The following PCSK5 variants were observed in gnomAD, a reference collection of about 807,000 sequenced individuals.
The protein encoded by PCSK5 is prohormone convertase 5.
A neutral mutation model predicts 233.2 loss-of-function variants in PCSK5; 129 were observed. That is an observed-to-expected ratio of 0.55 (90% CI 0.48 to 0.64). The LOEUF (loss-of-function observed/expected upper bound fraction) is 0.64, where lower values mean the gene tolerates loss of function less well. Among genes scored for constraint, PCSK5 ranks in the 30% least tolerant of loss-of-function variants. The pLI is 0.00. For synonymous variants in PCSK5, 825 were observed against 879.2 expected, an observed-to-expected ratio of 0.94 and a Z score of 1.09; for missense variants, 2,076 against 2,430.1, an observed-to-expected ratio of 0.85 and a Z score of 3.06.
chr9:76,173,429 C>T (rs151132896), intron 13 of PCSK5, among the ~76,000 whole-genome samples: 1 of 141,120 alleles, frequency 7.1e-6, no homozygotes, highest in Non-Finnish European at 1.5e-5. Context: ...GTCTTAATCA[C>T]TTCTGCTTAC....
intron 30 of PCSK5, among the ~76,000 whole-genome samples, chr9:76,314,762 G>T (rs1471789093): frequency 6.7e-6 from 1 of 148,402 alleles, no homozygotes; most frequent in Non-Finnish European, 1.5e-5. Flanking sequence ...TCAGCCTCCC[G>T]AGTAGCTGGG....
intron 20 of PCSK5, among the ~76,000 whole-genome samples, chr9:76,191,246 G>C (rs10869728): frequency 0.15 from 22,945 of 152,178 alleles, 2,011 homozygotes; most frequent in Middle Eastern, 0.26. Flanking sequence ...CAATCTGACT[G>C]ACATGATCGC....
chr9:76,121,839 TTTG>T (rs1832648413), intron 9 of PCSK5, among the ~76,000 whole-genome samples: 2 of 36,330 alleles, frequency 5.5e-5, no homozygotes, highest in African/African-American at 1.8e-4. Flanking sequence ...TTTTTTTTTT[TTTG>T]AGACGGAGTC....
chr9:76,081,103 T>G (rs1193509898), intron 7 of PCSK5, among the ~76,000 whole-genome samples: 1 of 152,146 alleles, frequency 6.6e-6, no homozygotes, highest in Non-Finnish European at 1.5e-5. Context: ...TAGAGAGGTT[T>G]TATTGTCAAG....
At chr9:76,282,967 T>C (rs1827930586) in intron 24 of PCSK5, among the ~76,000 whole-genome samples, 1 of 152,068 alleles carries the variant, frequency 6.6e-6, no homozygotes, top group African/African-American at 2.4e-5. Context: ...GCAGAGGTGA[T>C]GGAAATGGTA....
At chr9:76,117,833 G>A (rs888553127) in intron 9 of PCSK5, among the ~76,000 whole-genome samples, 5 of 152,104 alleles carry the variant, frequency 3.3e-5, no homozygotes, top group Admixed American at 1.3e-4. Context: ...ATGTTGGTAC[G>A]AAGGAAGAGA....
At chr9:76,037,352 AGTTTGTTT>A (rs139081892) in intron 5 of PCSK5, among the ~76,000 whole-genome samples, 89 of 152,208 alleles carry the variant, frequency 5.8e-4, no homozygotes, top group African/African-American at 1.3e-3. Flanking sequence ...TGTATTGACA[AGTTTGTTT>A]GTTTGTTTGT....
At chr9:75,945,414 A>T (rs1359524681) in intron 2 of PCSK5, among the ~76,000 whole-genome samples, 2 of 151,938 alleles carry the variant, frequency 1.3e-5, no homozygotes, top group South Asian at 4.2e-4. Flanking sequence ...ACTAACATTT[A>T]TCTTGCAGCT....
intron 22 of PCSK5, among the ~76,000 whole-genome samples, chr9:76,235,602 C>T (rs1389710654): frequency 6.6e-6 from 1 of 152,168 alleles, no homozygotes; most frequent in Non-Finnish European, 1.5e-5. Context: ...TAGCATGATA[C>T]TCATGTTCAA....
At chr9:76,227,645 T>C (rs1255998531) in intron 21 of PCSK5, 40 bp downstream of exon 21, 2 of 1,317,912 alleles carry the variant, frequency 1.5e-6, no homozygotes, top group African/African-American at 1.4e-5. Flanking sequence ...TGTGAGCTCA[T>C]GGATTGCAGG....
intron 9 of PCSK5, among the ~76,000 whole-genome samples, chr9:76,121,816 T>C (rs112458755): frequency 3.6e-4 from 2 of 5,612 alleles, no homozygotes; most frequent in Non-Finnish European, 6.3e-4. Context: ...TTGTATTGGT[T>C]TTTTTTTTTT....
chr9:76,107,325 C>T lies in PCSK5; in HGVS notation c.1182C>T (p.Gly394=). Residue 394 remains glycine (G), a synonymous_variant, in exon 9 of 38, where the codon GGC becomes GGT. Coordinates refer to ENST00000674117, the MANE Select transcript of PCSK5 (RefSeq NM_001372043.1). ...GTSASAPMAA[G]IIALALEANP... ...CAGCCTCAGCCCCCATGGCTGCAGG[C>T]ATCATTGCGCTGGCCCTGGAAGCCA... is the stretch of plus-strand genomic sequence containing the variant. 1 of 1,613,396 alleles carries T rather than the reference C, an allele frequency of 6.2e-7. No homozygotes were observed. The highest frequency in any genetic ancestry group is 1.7e-5 in the Admixed American group (1 of 60,018).
chr9:75,916,144 TA>T (rs1470624249), intron 1 of PCSK5, among the ~76,000 whole-genome samples: 1 of 152,232 alleles, frequency 6.6e-6, no homozygotes, highest in Non-Finnish European at 1.5e-5. Flanking sequence ...ATCTTAAAGT[TA>T]ATCAGGTCAG....
At chr9:76,230,435 A>C (rs1402459295) in intron 21 of PCSK5, among the ~76,000 whole-genome samples, 5 of 152,146 alleles carry the variant, frequency 3.3e-5, no homozygotes, top group Non-Finnish European at 4.4e-5. Flanking sequence ...CCTATTTCTG[A>C]GTGGTTTTTA....
At position 76,188,651 on chromosome 9, in the gene PCSK5, C is replaced by G. The variant is rs765833860; in HGVS notation, c.2356C>G (p.His786Asp). ...CAACGGCCAGGACTGCCAGCCCTGC[C>G]ACCGCTTCTGCGCCACTTGTGCTGG... Reference protein sequence around the residue: ...YFNGQDCQPCHRFCATCAGAG... With the variant: ...YFNGQDCQPCDRFCATCAGAG... Residue 786 changes from histidine to aspartate, a missense_variant, in exon 18 of 38, where the codon CAC becomes GAC. Around this residue, in one of 6 missense-constraint regions of PCSK5, gnomAD observed 1,510 missense variants for 1,538.1 expected, o/e 0.98. Transcript: ENST00000674117. 2 of 1,613,458 alleles carry G rather than the reference C, an allele frequency of 1.2e-6. No individual in the cohort carries two copies. The highest frequency in any genetic ancestry group is 1.7e-6 in the Non-Finnish European group (2 of 1,179,422).
chr9:76,257,959 A>G (rs932511988), intron 24 of PCSK5, among the ~76,000 whole-genome samples: 1 of 152,168 alleles, frequency 6.6e-6, no homozygotes, highest in Non-Finnish European at 1.5e-5. Context: ...GCTATAAACT[A>G]TCCATTATTA....
In PCSK5 at chr9:76,082,807, T is replaced by C. The variant is rs17061993; in HGVS notation, c.894+10909T>C. 9.0e-3 allele frequency among the ~76,000 whole-genome samples: 1,374 copies of C among 152,208 alleles called. 14 individuals are homozygous for C. The highest frequency in any genetic ancestry group is 0.031 in the African/African-American group (1,294 of 41,510). ...ATTTCACAATTTCCTGACAAGTGTG[T>C]TTAATAACATTTTTTAGAAAAAGAG... On this transcript the variant is annotated intron_variant, in intron 7 of 37. Coordinates refer to ENST00000674117, the MANE Select transcript of PCSK5 (RefSeq NM_001372043.1).
chr9:76,007,906 C>T (rs1212157418), intron 3 of PCSK5, among the ~76,000 whole-genome samples: 3 of 151,550 alleles, frequency 2.0e-5, no homozygotes, highest in Non-Finnish European at 4.4e-5. Flanking sequence ...GTCTCAAACT[C>T]CTGAGATAAA....
intron 20 of PCSK5, among the ~76,000 whole-genome samples, chr9:76,221,673 A>C (rs1246154748): frequency 6.6e-6 from 1 of 152,222 alleles, no homozygotes; most frequent in African/African-American, 2.4e-5. Context: ...GACTGTGGTC[A>C]AGGGCCAAAC....
Sources: gnomAD v4.1 joint callset for allele counts (sites outside exome capture counted in the v4.1 genomes callset) on GRCh38, gnomAD v4.1.1 for gene constraint, gnomAD v4.1.1 regional missense constraint, MANE v1.5 for transcripts, NCBI Gene and HGNC (gene_info 2026-07-23, HGNC 2026-07-21) for gene names.